The following PRDM5 variants were observed in gnomAD, a reference collection of about 807,000 sequenced individuals.
The protein encoded by PRDM5 is PR domain zinc finger protein 5.
Under a neutral mutation model 81.2 loss-of-function variants are expected in PRDM5, and 56 were observed. The ratio of observed to expected loss-of-function variants is 0.69; its 90% confidence interval spans 0.56 to 0.86. The LOEUF (loss-of-function observed/expected upper bound fraction) is 0.86. PRDM5 is among the 40% of genes least tolerant of loss of function. The pLI, the probability that PRDM5 is intolerant of heterozygous loss-of-function variation, is 0.00. For missense variants in PRDM5, 697 were observed against 770.1 expected (o/e 0.91, Z 1.12); for synonymous variants, 267 against 256.4 (o/e 1.04, Z -0.39).
At chr4:120,762,417 G>A (rs1368287683) in intron 13 of PRDM5, 2 of 152,100 alleles carry the variant, frequency 1.3e-5, no homozygotes, top group South Asian at 2.1e-4. Context: ...TAAAATATAT[G>A]TATTATATGG....
chr4:120,691,435 A>G (rs1042562575), downstream of PRDM5, among the ~76,000 whole-genome samples: 1 of 152,126 alleles, frequency 6.6e-6, no homozygotes, highest in Non-Finnish European at 1.5e-5. Context: ...TCAGATGATT[A>G]TTTTTTGTAT....
chr4:120,801,563 T>G (rs1185165755), intron 8 of PRDM5, among the ~76,000 whole-genome samples: 1 of 152,188 alleles, frequency 6.6e-6, no homozygotes. Flanking sequence ...AATATGTCAT[T>G]CCACAAGAGT....
chr4:120,804,533 A>G (rs1382614210), intron 8 of PRDM5, among the ~76,000 whole-genome samples: 2 of 152,246 alleles, frequency 1.3e-5, no homozygotes, highest in African/African-American at 2.4e-5. Flanking sequence ...ACTAGAACTC[A>G]GCATTAAGAA....
At chr4:120,788,681 C>T (rs1462763552) in intron 10 of PRDM5, among the ~76,000 whole-genome samples, 1 of 152,156 alleles carries the variant, frequency 6.6e-6, no homozygotes, top group Non-Finnish European at 1.5e-5. Context: ...TATGAAAGAA[C>T]CTGGGACAGC....
At chr4:120,782,613 T>G (rs752384014) in intron 11 of PRDM5, among the ~76,000 whole-genome samples, 1 of 152,162 alleles carries the variant, frequency 6.6e-6, no homozygotes, top group Non-Finnish European at 1.5e-5. Flanking sequence ...GCATGAACTA[T>G]GTGGATTCTG....
chr4:120,907,334 C>T, intron 2 of PRDM5, 140 bp downstream of exon 2: 1 of 574,238 alleles, frequency 1.7e-6, no homozygotes, highest in Non-Finnish European at 2.8e-6. Flanking sequence ...ATCTCCATCT[C>T]AAAAAAAAAA....
intron 2 of PRDM5, among the ~76,000 whole-genome samples, chr4:120,906,682 G>A (rs192295844): frequency 2.0e-5 from 3 of 152,050 alleles, no homozygotes; most frequent in Non-Finnish European, 4.4e-5. Flanking sequence ...ACAGATCTCT[G>A]CTTAAGTGAA....
chr4:120,696,988 G>A (rs1734599461), intron 15 of PRDM5, among the ~76,000 whole-genome samples: 2 of 152,116 alleles, frequency 1.3e-5, no homozygotes, highest in South Asian at 4.1e-4. Flanking sequence ...CCAAGTCCAT[G>A]TTGCAAAAAT....
chr4:120,901,967 C>G lies in PRDM5; in HGVS notation c.177+5507G>C, dbSNP rs186477332. Among the ~76,000 whole-genome samples, 131 of 152,298 alleles carry G rather than the reference C, an allele frequency of 8.6e-4. 1 individual carries two copies. Among genetic ancestry groups the G allele is most frequent in the African/African-American group, 3.0e-3 (126 of 41,564 alleles). On this transcript the variant is annotated intron_variant, in intron 2 of 15. Transcript: ENST00000264808. ...GTGAGAGAAAAAGAGGAGAGTGAGG[C>G]AGAGACCTTGTGATCTTGGAGCAGT...
At chr4:120,813,850 C>T (rs2149330345) in intron 7 of PRDM5, among the ~76,000 whole-genome samples, 1 of 152,282 alleles carries the variant, frequency 6.6e-6, no homozygotes, top group East Asian at 1.9e-4. Flanking sequence ...CTAGGCCCTA[C>T]TCCTTCCCAC....
At position 120,781,269 on chromosome 4, in the gene PRDM5, A is replaced by G. The variant is rs1748996520; in HGVS notation, c.1317T>C (p.Ala439=). 2.5e-6 allele frequency: 4 copies of G among 1,613,274 alleles called. No homozygotes were observed. The highest frequency in any genetic ancestry group is 3.4e-6 in the Non-Finnish European group (4 of 1,179,448). ...TTAATGTATCCTTCCTCTTAAAGGT[A>G]GCATCGCAGTGATGGCACTTGAAAG... ...ERTFKCHHCD[A]TFKRKDTLNV... Residue 439 remains alanine (A), a synonymous_variant, in exon 12 of 16, where the codon GCT becomes GCC. Transcript: ENST00000264808.
In PRDM5 at chr4:120,734,494, A is replaced by G. The variant is rs1312968717; in HGVS notation, c.1623+20059T>C. On this transcript the variant is annotated intron_variant, in intron 14 of 15. Coordinates refer to ENST00000264808, the MANE Select transcript of PRDM5 (RefSeq NM_018699.4). ...TAGCCTGGCAAACACTAGCCTAAAC[A>G]AACTATAAGAAATGCCTTTATTGCT... 4.6e-5 allele frequency among the ~76,000 whole-genome samples: 7 copies of G among 152,192 alleles called. No homozygotes were observed. The East Asian group carries it at 1.4e-3, about 29-fold the overall frequency.
At chr4:120,764,495 T>C (rs1398002584) in intron 13 of PRDM5, among the ~76,000 whole-genome samples, 1 of 152,066 alleles carries the variant, frequency 6.6e-6, no homozygotes, top group Non-Finnish European at 1.5e-5. Context: ...ATCATATTAC[T>C]AATGAAAGCC....
intron 11 of PRDM5, among the ~76,000 whole-genome samples, chr4:120,782,866 TC>T (rs1256559104): frequency 2.0e-5 from 3 of 152,072 alleles, no homozygotes; most frequent in Non-Finnish European, 4.4e-5. Context: ...CATTAAACTA[TC>T]AAGTGAATAA....
At chr4:120,879,664 G>A (rs577215519) in intron 2 of PRDM5, among the ~76,000 whole-genome samples, 1 of 152,246 alleles carries the variant, frequency 6.6e-6, no homozygotes, top group South Asian at 2.1e-4. Flanking sequence ...CATTAATCAA[G>A]TATTTACATT....
rs934282420 is a variant in PRDM5, at chr4:120,741,552, G to A, written c.1623+13001C>T. 5.3e-5 allele frequency among the ~76,000 whole-genome samples: 8 copies of A among 151,960 alleles called. No homozygotes were observed. In the South Asian group the frequency reaches 6.2e-4, roughly 12 times the overall value. The stretch of plus-strand genomic sequence containing the variant: ...CACTAGGGAGTGCCAGACAGTGAGC[G>A]CAGGTCAGTGGGTGCGCGCACTGTG... On this transcript the variant is annotated intron_variant, in intron 14 of 15. Transcript: ENST00000264808.
At chr4:120,774,835 C>T (rs1561181742) in intron 13 of PRDM5, among the ~76,000 whole-genome samples, 1 of 150,932 alleles carries the variant, frequency 6.6e-6, no homozygotes. Context: ...TCTGTGTGGA[C>T]ACACAAACAC....
intron 3 of PRDM5, among the ~76,000 whole-genome samples, chr4:120,853,078 A>G (rs1286394128): frequency 6.6e-6 from 1 of 152,060 alleles, no homozygotes; most frequent in East Asian, 1.9e-4. Context: ...AACAGAGGGT[A>G]TAGTACTATG....
intron 14 of PRDM5, among the ~76,000 whole-genome samples, chr4:120,743,573 G>C (rs1742455714): frequency 8.3e-6 from 1 of 119,890 alleles, no homozygotes; most frequent in Admixed American, 9.0e-5. Flanking sequence ...CAAAATAAAA[G>C]GATGGAGGAA....
Sources: allele counts gnomAD v4.1 joint callset (sites outside exome capture counted in the v4.1 genomes callset), GRCh38; gene constraint gnomAD v4.1.1; transcripts MANE v1.5; gene names NCBI Gene and HGNC (gene_info 2026-07-23, HGNC 2026-07-21).